BRD4: variants seen among roughly 807,000 people sequenced by gnomAD.
BRD4 encodes the protein bromodomain containing 4.
Under a neutral mutation model 142.1 loss-of-function variants are expected in BRD4, and 16 were observed. That is an observed-to-expected ratio of 0.11 (90% confidence interval 0.08 to 0.17). BRD4 has a LOEUF of 0.17. Ranked by LOEUF, BRD4 falls within the 10% of genes least tolerant of loss-of-function variation. The pLI is 1.00. For missense variants in BRD4, 1,424 were observed against 1,810.9 expected, an observed-to-expected ratio of 0.79 and a Z score of 3.88; for synonymous variants, 833 against 707.5, an observed-to-expected ratio of 1.18 and a Z score of -2.82.
At chr19:15,252,035 T>A (rs2047353204) in intron 11 of BRD4, among the ~76,000 whole-genome samples, 1 of 152,192 alleles carries the variant, frequency 6.6e-6, no homozygotes, top group Non-Finnish European at 1.5e-5. Flanking sequence ...ACTCTCAGAT[T>A]ACTTGTTGCA....
chr19:15,279,487 A>G (rs1015143383), intron 1 of BRD4, among the ~76,000 whole-genome samples: 2 of 152,160 alleles, frequency 1.3e-5, no homozygotes, highest in African/African-American at 4.8e-5. Context: ...GCCCGTCCCA[A>G]TTAGCTCCTA....
At chr19:15,263,327 GA>G (rs200826743) in intron 7 of BRD4, 92 bp downstream of exon 7, 22 of 1,432,342 alleles carry the variant, frequency 1.5e-5, no homozygotes, top group South Asian at 2.7e-5. Flanking sequence ...GAAAGTGACA[GA>G]AAAAAAAACT....
chr19:15,238,179 C>T lies in BRD4; in HGVS notation c.*198G>A, dbSNP rs201913608. ...CTGTGAGGGGTGGTGGGTGGCGGGA[C>T]GTCTGTCCGACTGGCCGTAAGGCAG... On this transcript the variant is annotated 3_prime_UTR_variant, in exon 20 of 20. Transcript: ENST00000679869. This position sits in a 1 kb window ranked among gnomAD's most constrained non-coding sequence, Gnocchi z 7.2. 2.1e-5 allele frequency: 17 copies of T among 794,362 alleles called. No homozygotes were observed. In the South Asian group the frequency reaches 2.2e-4, roughly 10 times the overall value. 49.2% of individuals were successfully genotyped at this position (794,362 alleles called of 1,614,324 possible).
In BRD4 at chr19:15,330,970, T is replaced by G. The variant is rs555067497; in HGVS notation, c.-35+1320A>C. 2.6e-5 allele frequency among the ~76,000 whole-genome samples: 4 copies of G among 152,230 alleles called. No individual in the cohort carries two copies. The South Asian group carries it at 8.3e-4, about 32-fold the overall frequency. On this transcript the variant is annotated intron_variant, in intron 1 of 19. Transcript: ENST00000679869. ...AGAGCCACTGGCTTACGAGGTAAAC[T>G]GCGACTTGGTTTTTGGAACCACGGA... is the stretch of plus-strand genomic sequence containing the variant.
At chr19:15,274,038 A>T (rs1172590659) in intron 1 of BRD4, among the ~76,000 whole-genome samples, 3 of 152,212 alleles carry the variant, frequency 2.0e-5, no homozygotes, top group African/African-American at 2.4e-5. Context: ...TAAAAGCTCC[A>T]AACGGAGAAT....
chr19:15,291,019 A>G (rs2047778005), intron 1 of BRD4, among the ~76,000 whole-genome samples: 1 of 152,172 alleles, frequency 6.6e-6, no homozygotes, highest in Non-Finnish European at 1.5e-5. Context: ...ATGGCACTTC[A>G]GACCCTGCAA....
chr19:15,254,014 G>GAGAC (rs761950650), intron 11 of BRD4, 138 bp downstream of exon 11: 10 of 762,864 alleles, frequency 1.3e-5, no homozygotes, highest in African/African-American at 8.6e-5. Flanking sequence ...AGTTAACAAA[G>GAGAC]AGACAGACAG....
At chr19:15,274,314 G>T (rs553371918) in intron 1 of BRD4, among the ~76,000 whole-genome samples, 2 of 152,308 alleles carry the variant, frequency 1.3e-5, no homozygotes, top group Middle Eastern at 6.8e-3. Context: ...GCTGGAGAGG[G>T]CTTCCATGCA....
intron 1 of BRD4, among the ~76,000 whole-genome samples, chr19:15,280,978 C>T (rs2047699331): frequency 6.6e-6 from 1 of 152,224 alleles, no homozygotes. Context: ...GGTCTGTTCC[C>T]CTCCTAGGTG....
At chr19:15,331,555 G>A (rs1214294115) in intron 1 of BRD4, among the ~76,000 whole-genome samples, 3 of 152,188 alleles carry the variant, frequency 2.0e-5, no homozygotes, top group Admixed American at 6.5e-5. Flanking sequence ...TCGCCTCCAG[G>A]GCACCGCTCC....
chr19:15,240,198 G>A (rs1370257613), intron 14 of BRD4, among the ~76,000 whole-genome samples, 176 bp from the exon 15 acceptor site: 1 of 152,200 alleles, frequency 6.6e-6, no homozygotes, highest in African/African-American at 2.4e-5. Context: ...AAGTGACTGG[G>A]CCTGGTGAGG....
chr19:15,280,351 T>C, intron 1 of BRD4: 1 of 1,015,008 alleles, frequency 9.9e-7, no homozygotes. Context: ...CACTTTGCTG[T>C]ACCCATCAGT....
rs201489245 is a variant in BRD4 at position 15,239,277 on chromosome 19, G to A, written c.3577-13C>T. Reference sequence around the variant, plus strand: ...TGATTTTCAGGTCCTGCAGAACAGAGAGGTTGGGGTGGGTGAGGGGTCTGC... The same window carrying A: ...TGATTTTCAGGTCCTGCAGAACAGAAAGGTTGGGGTGGGTGAGGGGTCTGC... On this transcript the variant is annotated splice_polypyrimidine_tract_variant and intron_variant, in intron 17 of 19. Transcript: ENST00000679869. This position sits in a 1 kb window ranked among gnomAD's most constrained non-coding sequence, Gnocchi z 7.4. 1 of 1,613,146 alleles carries A rather than the reference G, an allele frequency of 6.2e-7. No individual in the cohort carries two copies. The highest frequency in any genetic ancestry group is 8.5e-7 in the Non-Finnish European group (1 of 1,179,556).
At chr19:15,315,621 C>T (rs926125611) in intron 1 of BRD4, among the ~76,000 whole-genome samples, 1 of 151,938 alleles carries the variant, frequency 6.6e-6, no homozygotes, top group Non-Finnish European at 1.5e-5. Context: ...TTGGGAGGAC[C>T]AGGCACGTGA....
At chr19:15,327,609 AAAAAGTG>A (rs1054950370) in intron 1 of BRD4, among the ~76,000 whole-genome samples, 1 of 152,142 alleles carries the variant, frequency 6.6e-6, no homozygotes, top group African/African-American at 2.4e-5. Flanking sequence ...CACAATTGCC[AAAAAGTG>A]AAAACAACCC....
chr19:15,322,552 T>C (rs111283735), intron 1 of BRD4, among the ~76,000 whole-genome samples: 5,411 of 121,504 alleles, frequency 0.045, 269 homozygotes, highest in African/African-American at 0.14. Flanking sequence ...TACTAAAACA[T>C]ACAAAAAAAA....
intron 1 of BRD4, among the ~76,000 whole-genome samples, chr19:15,314,391 G>A (rs2047999173): frequency 6.6e-6 from 1 of 152,140 alleles, no homozygotes; most frequent in South Asian, 2.1e-4. Context: ...GTTTTGGAAA[G>A]AAAAGCCCTT....
chr19:15,290,037 A>G (rs1048069088), intron 1 of BRD4, among the ~76,000 whole-genome samples: 1 of 152,232 alleles, frequency 6.6e-6, no homozygotes. Flanking sequence ...CACATTAAAA[A>G]CCATATGACT....
chr19:15,244,546 G>C lies in BRD4; in HGVS notation c.2266C>G (p.Gln756Glu). 6.3e-7 allele frequency: 1 copy of C among 1,596,708 alleles called. No individual in the cohort carries two copies. Among genetic ancestry groups the C allele is most frequent in the Non-Finnish European group, 8.5e-7 (1 of 1,177,548 alleles). ...MQQAPAPVPQ[Q>E]PPPPPQQPPP... ...GGCTGCTGGGGAGGCGGGGGCGGCT[G>C]CTGGGGCACAGGAGCCGGGGCCTGC... The change falls in exon 13 of 20, where the codon CAG (glutamine) becomes GAG (glutamate). Residue 756 changes from glutamine (Q) to glutamate (E), a missense_variant. Physicochemically the swap from Gln to Glu is conservative, Grantham distance 29 (BLOSUM62 2). Transcript: ENST00000679869.
Sources: allele counts gnomAD v4.1 joint callset (sites outside exome capture counted in the v4.1 genomes callset), GRCh38; gene constraint gnomAD v4.1.1; non-coding constraint Gnocchi (gnomAD v3.1); transcripts MANE v1.5; gene names NCBI Gene and HGNC (gene_info 2026-07-23, HGNC 2026-07-21).